The following MEIOSIN variants were observed in gnomAD, a reference collection of about 807,000 sequenced individuals.
The protein encoded by MEIOSIN is meiosis initiator protein.
A neutral mutation model predicts 23.4 loss-of-function variants in MEIOSIN; 18 were observed. The observed-to-expected ratio is 0.77, with a 90% CI of 0.53 to 1.14. The LOEUF is 1.14. MEIOSIN is among the 50% of genes most tolerant of loss of function. The pLI is 0.00. For missense variants in MEIOSIN, 428 were observed against 242.9 expected (o/e 1.76, Z -5.07); for synonymous variants, 187 against 100.6 (o/e 1.86, Z -5.14).
In MEIOSIN at chr19:45,757,260, C is replaced by G. The variant is rs759741589; in HGVS notation, c.995C>G (p.Pro332Arg). 4.1e-5 allele frequency: 29 copies of G among 702,758 alleles called. No homozygotes were observed. Among genetic ancestry groups the G allele is most frequent in the Non-Finnish European group, 6.2e-5 (24 of 384,904 alleles). The allele number at this position is 702,758 out of a possible 1,614,324, so 43.5% of individuals were successfully genotyped here. A position where few individuals can be genotyped will look rare whatever the true frequency, so the allele number is the denominator to read the frequency against. The change falls in exon 9 of 15, where the codon CCA (proline) becomes CGA (arginine). Residue 332 changes from proline (P) to arginine (R), a missense_variant. Pro to Arg is a moderately radical substitution (Grantham distance 103). Coordinates refer to ENST00000457052, the MANE Select transcript of MEIOSIN (RefSeq NM_001310124.2). ...DADPWLPAWT[P>R]ENSPQGSPLF... ...GACCCTTGGCTCCCTGCCTGGACCC[C>G]AGAGAACAGCCCCCAAGGTGACTGC...
At chr19:45,749,493 G>A (rs1016416054) in intron 4 of MEIOSIN, among the ~76,000 whole-genome samples, 1 of 151,230 alleles carries the variant, frequency 6.6e-6, no homozygotes, top group Non-Finnish European at 1.5e-5. Context: ...GGCTAACATG[G>A]TGAAACCCCG....
rs530116885 is a variant in MEIOSIN, at chr19:45,761,879, G to A, written c.1434+12G>A. The A allele has an allele frequency of 2.3e-5, 15 of 638,680 alleles. No individual in the cohort carries two copies. Among genetic ancestry groups the A allele is most frequent in the South Asian group, 1.0e-4 (6 of 57,718 alleles). 39.6% of individuals were successfully genotyped at this position (638,680 alleles called of 1,614,324 possible). A position where few individuals can be genotyped will look rare whatever the true frequency, so the allele number is the denominator to read the frequency against. On this transcript the variant is annotated intron_variant, in intron 12 of 14. Transcript: ENST00000457052. ...GGAAGCAGCGAGAGGTGAGAGACAC[G>A]GCCGCATGCCAGGGCCAGCAGGGCC...
chr19:45,755,143 G>A (rs1968797048), intron 7 of MEIOSIN, among the ~76,000 whole-genome samples: 1 of 151,294 alleles, frequency 6.6e-6, no homozygotes, highest in African/African-American at 2.4e-5. Flanking sequence ...TGTTCATTCA[G>A]CCTTTTCTTT....
At chr19:45,751,889 C>T (rs1480956298) in intron 5 of MEIOSIN, among the ~76,000 whole-genome samples, 2 of 151,866 alleles carry the variant, frequency 1.3e-5, no homozygotes, top group South Asian at 4.2e-4. Context: ...CACCACCACA[C>T]CCAGCTAATT....
intron 11 of MEIOSIN, among the ~76,000 whole-genome samples, chr19:45,760,881 G>A (rs1968923756): frequency 6.7e-6 from 1 of 149,304 alleles, no homozygotes. Context: ...CTGAGATGGT[G>A]CCATTGCACT....
At chr19:45,757,816 G>A (rs562308858) in intron 9 of MEIOSIN, among the ~76,000 whole-genome samples, 2 of 151,808 alleles carry the variant, frequency 1.3e-5, no homozygotes, top group Admixed American at 6.6e-5. Context: ...CCACCCCTCC[G>A]AACTCTTTTT....
intron 3 of MEIOSIN, among the ~76,000 whole-genome samples, chr19:45,743,700 T>C (rs1968543928): frequency 6.6e-6 from 1 of 152,160 alleles, no homozygotes; most frequent in South Asian, 2.1e-4. Flanking sequence ...TTTTGTATTT[T>C]TAGTAGGAAC....
chr19:45,734,888 G>GGTTTGT (rs904842077), intron 1 of MEIOSIN, among the ~76,000 whole-genome samples: 29 of 150,940 alleles, frequency 1.9e-4, no homozygotes, highest in Admixed American at 1.7e-3. Flanking sequence ...GAGGTTTAGG[G>GGTTTGT]GTTTGTTTTT....
chr19:45,761,172 T>A (rs896748873), intron 11 of MEIOSIN, among the ~76,000 whole-genome samples: 1 of 151,404 alleles, frequency 6.6e-6, no homozygotes, highest in Non-Finnish European at 1.5e-5. Context: ...TCACCCAGGC[T>A]GGAGTGCAGT....
rs1157927845 is a variant in MEIOSIN at position 45,750,770 on chromosome 19, G to A, written c.402G>A (p.Gly134=). 2 of 630,748 alleles carry A rather than the reference G, an allele frequency of 3.2e-6. No homozygotes were observed. Among genetic ancestry groups the A allele is most frequent in the South Asian group, 3.6e-5 (2 of 54,812 alleles). The allele number at this position is 630,748 out of a possible 1,614,324, so 39.1% of individuals were successfully genotyped here. Reference sequence around the variant, plus strand: ...TGTTCAAATGCCACATCACCACTGGGGAAGGTGGACTTGCGGGTAAGTAGT... The same window carrying A: ...TGTTCAAATGCCACATCACCACTGGAGAAGGTGGACTTGCGGGTAAGTAGT... The part of the protein sequence containing the change: ...KALFKCHITT[G]EGGLAGLGQK... Residue 134 remains glycine, a synonymous_variant, in exon 5 of 15, where the codon GGG becomes GGA. Transcript: ENST00000457052.
chr19:45,760,935 AAAAG>A (rs1353613738), intron 11 of MEIOSIN, among the ~76,000 whole-genome samples: 7 of 88,658 alleles, frequency 7.9e-5, no homozygotes, highest in East Asian at 3.0e-4. Context: ...AAAAAAAAAA[AAAAG>A]AAAGAAAAGA....
In MEIOSIN at chr19:45,761,739, G is replaced by C; in HGVS notation, c.1306G>C (p.Val436Leu). The change falls in exon 12 of 15, where the codon GTC (valine) becomes CTC (leucine). Residue 436 changes from valine to leucine, a missense_variant. Coordinates refer to ENST00000457052, the MANE Select transcript of MEIOSIN (RefSeq NM_001310124.2). ...PESHSLHRSSVSLDHCYLSLS... is the reference protein window; with the variant it reads ...PESHSLHRSSLSLDHCYLSLS... ...GTCCCACAGCCTGCACCGGTCCTCA[G>C]TCTCGCTGGACCACTGCTACCTCTC... 1 of 703,066 alleles carries C rather than the reference G, an allele frequency of 1.4e-6. No individual in the cohort carries two copies. Among genetic ancestry groups the C allele is most frequent in the Non-Finnish European group, 2.6e-6 (1 of 384,890 alleles). 43.6% of individuals were successfully genotyped at this position (703,066 alleles called of 1,614,324 possible).
Position 45,736,604 on chromosome 19 carries a change from C to T in MEIOSIN, c.71+1157C>T, listed in dbSNP as rs540775625. Among the ~76,000 whole-genome samples, 53 of 151,098 alleles carry T rather than the reference C, an allele frequency of 3.5e-4. No individual in the cohort carries two copies. In the Middle Eastern group the frequency reaches 0.017, roughly 49 times the overall value. On this transcript the variant is annotated intron_variant, in intron 2 of 14. Coordinates refer to ENST00000457052, the MANE Select transcript of MEIOSIN (RefSeq NM_001310124.2). The stretch of plus-strand genomic sequence containing the variant: ...GGCTGGTCTTGGACTCCTGACCTCG[C>T]GATCCGCCCGCTGGAGTGCAGTGGC...
At chr19:45,759,787 ATTTAT>A (rs141892717) in intron 11 of MEIOSIN, among the ~76,000 whole-genome samples, 143,727 of 150,126 alleles carry the variant, frequency 0.96, 68,869 homozygotes, top group East Asian at 1. Context: ...CATTTTATTC[ATTTAT>A]TTTATTTTAT....
In MEIOSIN at chr19:45,756,012, C is replaced by T. The variant is rs752648139; in HGVS notation, c.845C>T (p.Pro282Leu). ...AGTGTCCAGGATGACGCACCTTTCCCTGCGCTCCTGGCTCAGGAAGATGTG... is the reference window on the plus strand; with the variant it reads ...AGTGTCCAGGATGACGCACCTTTCCTTGCGCTCCTGGCTCAGGAAGATGTG... ...QGSVQDDAPF[P>L]ALLAQEDVAR... The change falls in exon 8 of 15, where the codon CCT becomes CTT. Residue 282 changes from proline to leucine, a missense_variant. Transcript: ENST00000457052. 46 of 702,906 alleles carry T rather than the reference C, an allele frequency of 6.5e-5. No homozygotes were observed. The highest frequency in any genetic ancestry group is 5.8e-4 in the South Asian group (39 of 67,586). 43.5% of individuals were successfully genotyped at this position (702,906 alleles called of 1,614,324 possible).
chr19:45,751,779 G>A (rs888982043), intron 5 of MEIOSIN, among the ~76,000 whole-genome samples: 3 of 151,582 alleles, frequency 2.0e-5, no homozygotes, highest in African/African-American at 7.3e-5. Flanking sequence ...TGCGCAGGCT[G>A]GAGTGCAGTG....
At chr19:45,750,632 T>G (rs957205122) in intron 4 of MEIOSIN, 43 bp from the exon 5 acceptor site, 1 of 499,238 alleles carries the variant, frequency 2.0e-6, no homozygotes, top group African/African-American at 2.0e-5. Flanking sequence ...GTGCTGTGAT[T>G]ACAGGCGTGA....
rs1442971977 is a variant in MEIOSIN at position 45,757,216 on chromosome 19, C to T, written c.951C>T (p.Asp317=). 3 of 702,896 alleles carry T rather than the reference C, an allele frequency of 4.3e-6. No homozygotes were observed. The highest frequency in any genetic ancestry group is 5.2e-6 in the Non-Finnish European group (2 of 384,996). The allele number at this position is 702,896 out of a possible 1,614,324, so 43.5% of individuals were successfully genotyped here. A position where few individuals can be genotyped will look rare whatever the true frequency, so the allele number is the denominator to read the frequency against. Reference sequence around the variant, plus strand: ...TCTATGATTCCAGCGAGGATGTGGACAAAGGGTCCCTAGACGCTGACCCTT... The same window carrying T: ...TCTATGATTCCAGCGAGGATGTGGATAAAGGGTCCCTAGACGCTGACCCTT... ...LVFYDSSEDV[D]KGSLDADPWL... Residue 317 remains aspartate, a synonymous_variant, in exon 9 of 15, where the codon GAC becomes GAT. Coordinates refer to ENST00000457052, the MANE Select transcript of MEIOSIN (RefSeq NM_001310124.2).
At chr19:45,739,972 C>T (rs774886685) in intron 3 of MEIOSIN, among the ~76,000 whole-genome samples, 1 of 152,088 alleles carries the variant, frequency 6.6e-6, no homozygotes, top group Non-Finnish European at 1.5e-5. Flanking sequence ...CTCAACCTCC[C>T]GAGTAGTTGG....
Sources: allele counts gnomAD v4.1 joint callset (sites outside exome capture counted in the v4.1 genomes callset), GRCh38; gene constraint gnomAD v4.1.1; transcripts MANE v1.5; gene names NCBI Gene and HGNC (gene_info 2026-07-23, HGNC 2026-07-21).